The following CACNA1E variants were observed in gnomAD, a reference collection of about 807,000 sequenced individuals.
CACNA1E encodes the protein calcium voltage-gated channel subunit alpha1 E.
Under a neutral mutation model 259.2 loss-of-function variants are expected in CACNA1E, and 40 were observed. That is an observed-to-expected ratio of 0.15 (90% confidence interval 0.12 to 0.20). The LOEUF is 0.20. Ranked by LOEUF, CACNA1E falls within the 10% of genes least tolerant of loss-of-function variation. The probability of loss-of-function intolerance (pLI) is 1.00; values close to 1 mark genes in which losing one functional copy is unlikely to be tolerated. For synonymous variants in CACNA1E, 1,104 were observed against 1,138.5 expected (o/e 0.97, Z 0.61); for missense variants, 1,874 against 3,040.1 (o/e 0.62, Z 9.02).
chr1:181,693,708 G>C (rs3845443), intron 7 of CACNA1E, among the ~76,000 whole-genome samples: 128,027 of 152,152 alleles, frequency 0.84, 53,941 homozygotes, highest in South Asian at 0.88. Context: ...ACCTGGGCAA[G>C]AGGATCATTC....
rs1385159946 is a variant in CACNA1E, at chr1:181,577,743, C to G, written c.513-23C>G. On this transcript the variant is annotated intron_variant, in intron 3 of 47. Transcript: ENST00000367573. ...GGGAAAACCAGACTGGTAACCTTGA[C>G]CCTTCTGTGTCTCTGTCTGCAGCAT... The G allele has an allele frequency of 2.6e-6, 4 of 1,522,998 alleles. No individual in the cohort carries two copies. The Admixed American group carries it at 7.2e-5, about 27-fold the overall frequency. The allele number at this position is 1,522,998 out of a possible 1,614,324, so 94.3% of individuals were successfully genotyped here.
chr1:181,331,169 G>A (rs1460316420), intron 1 of CACNA1E, among the ~76,000 whole-genome samples: 2 of 152,134 alleles, frequency 1.3e-5, no homozygotes, highest in Non-Finnish European at 2.9e-5. Context: ...TGGCTGTGGT[G>A]GGGAAGTGTA....
intron 1 of CACNA1E, among the ~76,000 whole-genome samples, chr1:181,484,751 G>A (rs929329813): frequency 2.0e-5 from 3 of 152,178 alleles, no homozygotes; most frequent in Non-Finnish European, 4.4e-5. Context: ...TTGCTTCTTA[G>A]TGCTTGACCC....
At chr1:181,357,211 TC>T (rs941263764) in intron 1 of CACNA1E, among the ~76,000 whole-genome samples, 1 of 152,172 alleles carries the variant, frequency 6.6e-6, no homozygotes, top group African/African-American at 2.4e-5. Flanking sequence ...GGGGCAGGTC[TC>T]TGGAAGCCTG....
At chr1:181,699,670 T>G (rs878972767) in intron 7 of CACNA1E, among the ~76,000 whole-genome samples, 50 of 152,116 alleles carry the variant, frequency 3.3e-4, no homozygotes, top group Non-Finnish European at 4.4e-4. Context: ...ACTGCGCTCT[T>G]GCAGCCAACT....
chr1:181,782,758 G>A (rs940505524), intron 39 of CACNA1E, among the ~76,000 whole-genome samples: 16 of 152,064 alleles, frequency 1.1e-4, no homozygotes, highest in African/African-American at 3.4e-4. Flanking sequence ...ATGGCTCCTC[G>A]TGCACAGCTT....
chr1:181,779,820 AC>A (rs1349286959), intron 38 of CACNA1E, among the ~76,000 whole-genome samples: 1 of 3,610 alleles, frequency 2.8e-4, no homozygotes, highest in African/African-American at 5.4e-4. Flanking sequence ...ATGCACATGT[AC>A]ACACACACAC....
In CACNA1E at chr1:181,356,749, G is replaced by A. The variant is rs141448413; in HGVS notation, c.-15+38626G>A. On this transcript the variant is annotated intron_variant, in intron 1 of 11. Coordinates refer to the CACNA1E transcript ENST00000524607. ...TACTGCTGTGCATCTCTTCCTACCA[G>A]GGCGGGCTCCTGTTGTATCCTGGGA... 5.3e-5 allele frequency among the ~76,000 whole-genome samples: 8 copies of A among 152,314 alleles called. No homozygotes were observed. The East Asian group carries it at 1.5e-3, about 29-fold the overall frequency.
Position 181,484,730 on chromosome 1 carries a change from G to T in CACNA1E, c.266+720G>T, listed in dbSNP as rs1179068442. 5.3e-5 allele frequency among the ~76,000 whole-genome samples: 8 copies of T among 152,300 alleles called. No individual in the cohort carries two copies. The South Asian group carries it at 8.3e-4, about 16-fold the overall frequency. Reference sequence around the variant, plus strand: ...AGGCCCATCCTGTCCTTGGTCCTTGGTTGGGTACTCTTGCTTCTTAGTGCT... The same window carrying T: ...AGGCCCATCCTGTCCTTGGTCCTTGTTTGGGTACTCTTGCTTCTTAGTGCT... On this transcript the variant is annotated intron_variant, in intron 1 of 47. Coordinates refer to ENST00000367573, the MANE Select transcript of CACNA1E (RefSeq NM_001205293.3).
At chr1:181,747,983 AT>A (rs1329453377) in intron 25 of CACNA1E, among the ~76,000 whole-genome samples, 2 of 152,232 alleles carry the variant, frequency 1.3e-5, no homozygotes, top group South Asian at 4.1e-4. Flanking sequence ...TCAAATGGCA[AT>A]TTTAAAATCA....
rs72040839 is a variant in CACNA1E at position 181,795,767 on chromosome 1, AATATATAT to A, written c.6208+736_6208+743del. Among the ~76,000 whole-genome samples the A allele has an allele frequency of 5.3e-5, 6 of 113,318 alleles. No homozygotes were observed. The South Asian group carries it at 1.8e-3, about 35-fold the overall frequency. 74.3% of individuals were successfully genotyped at this position (113,318 alleles called of 152,430 possible). A position where few individuals can be genotyped will look rare whatever the true frequency, so the allele number is the denominator to read the frequency against. On this transcript the variant is annotated intron_variant, in intron 46 of 47. Coordinates refer to ENST00000367573, the MANE Select transcript of CACNA1E (RefSeq NM_001205293.3). The stretch of plus-strand genomic sequence containing the variant: ...AATTTCTTTTAAGCTTTTTGCTTTA[AATATATAT>A]ATATATATATATTAGTCTGGCTCAA...
chr1:181,681,730 C>T (rs1192357445), intron 7 of CACNA1E, among the ~76,000 whole-genome samples: 1 of 152,188 alleles, frequency 6.6e-6, no homozygotes, highest in Non-Finnish European at 1.5e-5. Flanking sequence ...CTACCACCTA[C>T]CAGCTGTGAG....
chr1:181,757,674 C>T (rs1214065557), intron 30 of CACNA1E, among the ~76,000 whole-genome samples: 1 of 152,158 alleles, frequency 6.6e-6, no homozygotes, highest in Non-Finnish European at 1.5e-5. Context: ...AGGAAGGATT[C>T]CTGCCTAAAC....
chr1:181,364,908 C>A (rs1309089534), intron 1 of CACNA1E, among the ~76,000 whole-genome samples: 2 of 152,186 alleles, frequency 1.3e-5, no homozygotes, highest in Non-Finnish European at 2.9e-5. Flanking sequence ...CCCATGGCCC[C>A]CTTCCTGCCA....
At chr1:181,603,506 C>G (rs1032588477) in intron 6 of CACNA1E, among the ~76,000 whole-genome samples, 1 of 152,142 alleles carries the variant, frequency 6.6e-6, no homozygotes. Flanking sequence ...ATGAGGCATG[C>G]ATGTGTGAAC....
At chr1:181,742,232 G>C (rs563929441) in intron 25 of CACNA1E, among the ~76,000 whole-genome samples, 6 of 152,250 alleles carry the variant, frequency 3.9e-5, no homozygotes, top group African/African-American at 1.2e-4. Context: ...CTTTGATGGG[G>C]TTAGCCAGAG....
chr1:181,588,886 T>C (rs1281902799), intron 6 of CACNA1E, among the ~76,000 whole-genome samples: 2 of 152,196 alleles, frequency 1.3e-5, no homozygotes, highest in Non-Finnish European at 2.9e-5. Flanking sequence ...CTGTTTCAGG[T>C]ACTTTTCACT....
intron 3 of CACNA1E, among the ~76,000 whole-genome samples, chr1:181,517,545 A>T (rs1324975587): frequency 1.3e-5 from 2 of 151,754 alleles, no homozygotes; most frequent in African/African-American, 4.8e-5. Context: ...CATGGAAAAA[A>T]GTTGGAGCCA....
intron 1 of CACNA1E, among the ~76,000 whole-genome samples, chr1:181,322,947 A>G (rs1650477317): frequency 6.6e-6 from 1 of 152,232 alleles, no homozygotes; most frequent in Admixed American, 6.5e-5. Flanking sequence ...TCTTGGGCAC[A>G]ACTGCGTATG....
Sources: allele counts gnomAD v4.1 joint callset (sites outside exome capture counted in the v4.1 genomes callset), GRCh38; gene constraint gnomAD v4.1.1; transcripts MANE v1.5; gene names NCBI Gene and HGNC (gene_info 2026-07-23, HGNC 2026-07-21).